CAMK2B: variants seen among roughly 807,000 people sequenced by gnomAD.
CAMK2B encodes the protein calcium/calmodulin dependent protein kinase II beta.
In CAMK2B, 27 loss-of-function variants were observed where a neutral mutation model predicts 93.7. That is an observed-to-expected ratio of 0.29 (90% confidence interval 0.21 to 0.40). The LOEUF (loss-of-function observed/expected upper bound fraction) is 0.40, where lower values mean the gene tolerates loss of function less well. Among genes scored for constraint, CAMK2B ranks in the 10% least tolerant of loss-of-function variants. The probability of loss-of-function intolerance (pLI) is 1.00; values close to 1 mark genes in which losing one functional copy is unlikely to be tolerated. For missense variants in CAMK2B, 568 were observed against 895.8 expected (o/e 0.63, Z 4.67); for synonymous variants, 374 against 358.8 (o/e 1.04, Z -0.48).
intron 2 of CAMK2B, among the ~76,000 whole-genome samples, chr7:44,283,906 C>T (rs1193638623): frequency 6.6e-6 from 1 of 152,218 alleles, no homozygotes; most frequent in African/African-American, 2.4e-5. Context: ...CAGCCTGGGC[C>T]CCACCAGGCC....
rs2128850290 is a variant in CAMK2B at position 44,218,490 on chromosome 7, C to G, written c.*1035G>C. The G allele has an allele frequency of 6.6e-6, 1 of 152,424 alleles. No homozygotes were observed. Among genetic ancestry groups the G allele is most frequent in the African/African-American group, 2.4e-5 (1 of 41,598 alleles). The allele number at this position is 152,424 out of a possible 1,614,324, so 9.4% of individuals were successfully genotyped here. A position where few individuals can be genotyped will look rare whatever the true frequency, so the allele number is the denominator to read the frequency against. Reference sequence around the variant, plus strand: ...AGTCCTTTGTCAAAAGTCTGCTCCCCCTTGCGGGCTGCAGAGAAGCCGAAC... The same window carrying G: ...AGTCCTTTGTCAAAAGTCTGCTCCCGCTTGCGGGCTGCAGAGAAGCCGAAC... On this transcript the variant is annotated 3_prime_UTR_variant, in exon 24 of 24. Transcript: ENST00000395749.
In CAMK2B at chr7:44,288,881, G is replaced by A. The variant is rs539558600; in HGVS notation, c.66-4656C>T. Among the ~76,000 whole-genome samples the A allele has an allele frequency of 1.4e-4, 21 of 152,248 alleles. No homozygotes were observed. In the South Asian group the frequency reaches 3.1e-3, roughly 23 times the overall value. ...CGATAATGGGGTGAAGGCCACCTGC[G>A]AGGAGAGGTGCTGAGTGTACCTCCC... On this transcript the variant is annotated intron_variant, in intron 1 of 23. Coordinates refer to ENST00000395749, the MANE Select transcript of CAMK2B (RefSeq NM_001220.5).
At chr7:44,258,799 G>C (rs2096855529) in intron 4 of CAMK2B, 73 bp downstream of exon 4, 1 of 1,360,234 alleles carries the variant, frequency 7.4e-7, no homozygotes, top group Non-Finnish European at 1.0e-6. Context: ...CCTGGGGCTG[G>C]GGAGGCTGCA....
Position 44,219,333 on chromosome 7 carries a change from G to A in CAMK2B, c.*192C>T, listed in dbSNP as rs1235184910. ...GATGTCAATTTTTTTTGTGGTTGTCGTCGTCATCTTGTTTTTTTTTTTTTT... is the reference window on the plus strand; with the variant it reads ...GATGTCAATTTTTTTTGTGGTTGTCATCGTCATCTTGTTTTTTTTTTTTTT... On this transcript the variant is annotated 3_prime_UTR_variant, in exon 24 of 24. Coordinates refer to ENST00000395749, the MANE Select transcript of CAMK2B (RefSeq NM_001220.5). 1 of 84,298 alleles carries A rather than the reference G, an allele frequency of 1.2e-5. No homozygotes were observed. Among genetic ancestry groups the A allele is most frequent in the African/African-American group, 4.5e-5 (1 of 22,030 alleles). 5.2% of individuals were successfully genotyped at this position (84,298 alleles called of 1,614,324 possible). A position where few individuals can be genotyped will look rare whatever the true frequency, so the allele number is the denominator to read the frequency against.
chr7:44,270,526 C>G (rs1468969359), intron 2 of CAMK2B, among the ~76,000 whole-genome samples: 1 of 152,224 alleles, frequency 6.6e-6, no homozygotes, highest in Non-Finnish European at 1.5e-5. Context: ...GCTGTGATGT[C>G]AGCGCCATGC....
chr7:44,282,315 C>T lies in CAMK2B; in HGVS notation c.160+1816G>A, dbSNP rs530925484. Among the ~76,000 whole-genome samples the T allele has an allele frequency of 2.0e-5, 3 of 152,358 alleles. No homozygotes were observed. The East Asian group carries it at 5.8e-4, about 29-fold the overall frequency. ...ACCCACCCCACCACGGGCTGGGCCC[C>T]AGGGGGCCAAAAGAGCTGACCAGCA... On this transcript the variant is annotated intron_variant, in intron 2 of 23. Transcript: ENST00000395749.
intron 1 of CAMK2B, among the ~76,000 whole-genome samples, chr7:44,304,267 CTT>C (rs1251487897): frequency 1.3e-5 from 2 of 152,216 alleles, no homozygotes; most frequent in Non-Finnish European, 2.9e-5. Context: ...ACATTGAAAA[CTT>C]ATGTCCACAA....
intron 20 of CAMK2B, among the ~76,000 whole-genome samples, chr7:44,222,689 C>T (rs1315970268): frequency 6.6e-6 from 1 of 152,170 alleles, no homozygotes; most frequent in East Asian, 1.9e-4. Flanking sequence ...AGTGATCTGC[C>T]CACCTCGGCC....
intron 1 of CAMK2B, among the ~76,000 whole-genome samples, chr7:44,313,544 C>T (rs1794102484): frequency 6.7e-6 from 1 of 149,698 alleles, no homozygotes; most frequent in South Asian, 2.2e-4. Context: ...GCTATGGGGG[C>T]AAAGTTTGGA....
intron 10 of CAMK2B, 96 bp from the exon 11 acceptor site, chr7:44,241,879 C>A (rs1182643095): frequency 2.2e-6 from 2 of 910,684 alleles, no homozygotes; most frequent in Non-Finnish European, 3.5e-6. Flanking sequence ...TCCCCACTTG[C>A]CAAGAGCCAC....
chr7:44,233,945 G>C (rs1297393393), intron 15 of CAMK2B, among the ~76,000 whole-genome samples: 1 of 152,240 alleles, frequency 6.6e-6, no homozygotes, highest in African/African-American at 2.4e-5. Flanking sequence ...TCCCCCTGCA[G>C]ATCCTGGCCC....
intron 1 of CAMK2B, among the ~76,000 whole-genome samples, chr7:44,288,086 C>T (rs1785636776): frequency 6.6e-6 from 1 of 152,064 alleles, no homozygotes; most frequent in Admixed American, 6.5e-5. Flanking sequence ...CTAGAGTGTC[C>T]CAGCAGGAGG....
At chr7:44,274,451 C>T (rs59523664) in intron 2 of CAMK2B, among the ~76,000 whole-genome samples, 2,108 of 152,332 alleles carry the variant, frequency 0.014, 40 homozygotes, top group African/African-American at 0.048. Context: ...GAGACCAAAG[C>T]TCTGCCATTC....
chr7:44,282,979 T>G (rs1244571398), intron 2 of CAMK2B, among the ~76,000 whole-genome samples: 1 of 152,178 alleles, frequency 6.6e-6, no homozygotes, highest in Non-Finnish European at 1.5e-5. Flanking sequence ...GGGGCTTCGC[T>G]TGGCTCCCTC....
rs541039987 is a variant in CAMK2B, at chr7:44,281,589, G to C, written c.160+2542C>G. 2.6e-5 allele frequency among the ~76,000 whole-genome samples: 4 copies of C among 152,224 alleles called. No individual in the cohort carries two copies. In the South Asian group the frequency reaches 6.2e-4, roughly 24 times the overall value. On this transcript the variant is annotated intron_variant, in intron 2 of 23. Transcript: ENST00000395749. ...CCCCAGGACCCTGGCCAGGCCTCTC[G>C]GCATCAGCAGCTTCCTGCCCTCTGC...
intron 1 of CAMK2B, among the ~76,000 whole-genome samples, chr7:44,284,620 C>A (rs1275477080): frequency 1.3e-5 from 2 of 152,244 alleles, no homozygotes; most frequent in African/African-American, 4.8e-5. Flanking sequence ...ACAGGCCTCT[C>A]AGCAGGCATC....
At chr7:44,237,220 G>A (rs2096634491) in intron 13 of CAMK2B, among the ~76,000 whole-genome samples, 1 of 152,232 alleles carries the variant, frequency 6.6e-6, no homozygotes, top group South Asian at 2.1e-4. Flanking sequence ...CATCGGCGGG[G>A]CTGGCAGAGA....
rs537673016 is a variant in CAMK2B at position 44,271,066 on chromosome 7, G to A, written c.161-8002C>T. Among the ~76,000 whole-genome samples, 2 of 152,208 alleles carry A rather than the reference G, an allele frequency of 1.3e-5. No homozygotes were observed. The highest frequency in any genetic ancestry group is 1.9e-4 in the East Asian group (1 of 5,172). On this transcript the variant is annotated intron_variant, in intron 2 of 23. Transcript: ENST00000395749. This position sits in a 1 kb window ranked among gnomAD's most constrained non-coding sequence, Gnocchi z 4.2. ...CTCCAGTAGCTGGGATTACAGGTAT[G>A]CGCCATCACACCTGGCTAATTTTTG...
chr7:44,255,599 GCT>G (rs2129015491), intron 4 of CAMK2B, among the ~76,000 whole-genome samples: 1 of 152,276 alleles, frequency 6.6e-6, no homozygotes, highest in Admixed American at 6.5e-5. Context: ...CCCCCCGCCT[GCT>G]CCACTGCACT....
Sources: allele counts gnomAD v4.1 joint callset (sites outside exome capture counted in the v4.1 genomes callset), GRCh38; gene constraint gnomAD v4.1.1; non-coding constraint Gnocchi (gnomAD v3.1); transcripts MANE v1.5; gene names NCBI Gene and HGNC (gene_info 2026-07-23, HGNC 2026-07-21).